RHBDD1: variants seen among roughly 807,000 people sequenced by gnomAD.
RHBDD1 encodes the protein rhomboid-related protein 4.
In RHBDD1, 38 loss-of-function variants were observed where a neutral mutation model predicts 36.3. The observed-to-expected ratio is 1.05, with a 90% CI of 0.81 to 1.37. The LOEUF (loss-of-function observed/expected upper bound fraction) is 1.37, where lower values mean the gene tolerates loss of function less well. Ranked by LOEUF, RHBDD1 falls within the 40% of genes most tolerant of loss-of-function variation. RHBDD1 has a pLI of 0.00. For missense variants in RHBDD1, 393 were observed against 377.6 expected (o/e 1.04, Z -0.34); for synonymous variants, 151 against 136.5 (o/e 1.11, Z -0.74).
intron 5 of RHBDD1, among the ~76,000 whole-genome samples, chr2:226,891,585 G>T (rs571558962): frequency 1.3e-5 from 2 of 152,120 alleles, no homozygotes; most frequent in Non-Finnish European, 2.9e-5. Flanking sequence ...TCTCAGAAGA[G>T]TTCTCTCCAC....
At chr2:226,926,517 T>C (rs1949681892) in intron 8 of RHBDD1, among the ~76,000 whole-genome samples, 1 of 152,210 alleles carries the variant, frequency 6.6e-6, no homozygotes, top group Non-Finnish European at 1.5e-5. Flanking sequence ...TGTATTTAAA[T>C]AGTTAGTTCT....
chr2:226,850,148 G>T (rs141473809), intron 3 of RHBDD1, among the ~76,000 whole-genome samples: 2 of 152,130 alleles, frequency 1.3e-5, no homozygotes, highest in African/African-American at 4.8e-5. Context: ...GGAAACAGAC[G>T]GGGGTTGATG....
At chr2:226,883,750 T>C (rs1361757813) in intron 5 of RHBDD1, among the ~76,000 whole-genome samples, 11 of 152,160 alleles carry the variant, frequency 7.2e-5, no homozygotes, top group Non-Finnish European at 1.5e-5. Context: ...TATTTTAAAA[T>C]GGTAAAATTT....
At chr2:226,967,249 C>G (rs910715573) in intron 8 of RHBDD1, among the ~76,000 whole-genome samples, 4 of 152,166 alleles carry the variant, frequency 2.6e-5, no homozygotes, top group Non-Finnish European at 4.4e-5. Context: ...GAAAATCTTC[C>G]TAGCTTTTTT....
chr2:226,899,578 A>G (rs371921163), intron 5 of RHBDD1, among the ~76,000 whole-genome samples: 32 of 152,182 alleles, frequency 2.1e-4, no homozygotes, highest in African/African-American at 7.2e-4. Flanking sequence ...GCAACTAGCT[A>G]CAGTGATTGT....
chr2:226,882,201 G>A lies in RHBDD1; in HGVS notation c.566+14883G>A, dbSNP rs536997125. 5.9e-5 allele frequency among the ~76,000 whole-genome samples: 9 copies of A among 151,860 alleles called. No homozygotes were observed. In the South Asian group the frequency reaches 1.2e-3, roughly 21 times the overall value. On this transcript the variant is annotated intron_variant, in intron 5 of 8. Coordinates refer to ENST00000392062, the MANE Select transcript of RHBDD1 (RefSeq NM_001167608.3). The stretch of plus-strand genomic sequence containing the variant: ...TCCCAGCACTTTGGGAGGCCGAGGC[G>A]GGTGGATCACCTGAGGTCAGGAGTT...
At chr2:226,937,455 AGGG>A (rs1950402409) in intron 8 of RHBDD1, among the ~76,000 whole-genome samples, 1 of 152,018 alleles carries the variant, frequency 6.6e-6, no homozygotes, top group Admixed American at 6.6e-5. Flanking sequence ...TTTTAAGTTC[AGGG>A]GTACATGTGC....
chr2:226,855,624 T>C (rs181831182), intron 3 of RHBDD1, among the ~76,000 whole-genome samples: 5 of 152,340 alleles, frequency 3.3e-5, no homozygotes, highest in Admixed American at 3.3e-4. Context: ...AATATGGTTA[T>C]AACAATAAAG....
At chr2:226,922,982 T>C (rs1013829060) in intron 8 of RHBDD1, among the ~76,000 whole-genome samples, 1 of 152,234 alleles carries the variant, frequency 6.6e-6, no homozygotes, top group African/African-American at 2.4e-5. Context: ...CTGTTTACGT[T>C]TGAAAAATTG....
At chr2:226,918,504 C>G (rs546004201) in intron 8 of RHBDD1, among the ~76,000 whole-genome samples, 4 of 152,120 alleles carry the variant, frequency 2.6e-5, no homozygotes, top group Admixed American at 2.6e-4. Context: ...TCTTTTCACT[C>G]TCTATCTCCA....
the RHBDD1 span, among the ~76,000 whole-genome samples, chr2:226,824,386 T>G: frequency 6.6e-6 from 1 of 152,192 alleles, no homozygotes; most frequent in Admixed American, 6.5e-5. Context: ...AAAATTAAAT[T>G]GTAAAAAAAT....
intron 8 of RHBDD1, among the ~76,000 whole-genome samples, chr2:226,940,977 C>T (rs1217810561): frequency 2.6e-5 from 4 of 151,008 alleles, no homozygotes; most frequent in East Asian, 1.9e-4. Context: ...GATGGAATCT[C>T]GCTCTATTGC....
At chr2:226,877,643 G>T (rs998809542) in intron 5 of RHBDD1, among the ~76,000 whole-genome samples, 4 of 150,950 alleles carry the variant, frequency 2.6e-5, no homozygotes, top group African/African-American at 9.8e-5. Flanking sequence ...GAAAACAACG[G>T]CTCATTCATC....
chr2:226,807,989 T>C, the RHBDD1 span, among the ~76,000 whole-genome samples: 3 of 150,940 alleles, frequency 2.0e-5, no homozygotes, highest in Non-Finnish European at 4.4e-5. Context: ...CACTCTAGCC[T>C]GGGTAACAGA....
In RHBDD1 at chr2:226,908,836, A is replaced by C. The variant is rs1419688099; in HGVS notation, c.670A>C (p.Ser224Arg). ...MEACAGGFSS[S>R]VGYPGRQYYF... is the part of the protein sequence containing the mutation. ...TTTACGTTTAGGCGGTTTTTCCTCC[A>C]GTGTTGGTTACCCAGGACGGCAATA... Residue 224 changes from serine (S) to arginine (R), a missense_variant, in exon 7 of 9, where the codon AGT becomes CGT. By Grantham distance (110) the Ser-to-Arg change is moderately radical. Transcript: ENST00000392062. 2 of 1,608,060 alleles carry C rather than the reference A, an allele frequency of 1.2e-6. No individual in the cohort carries two copies. Among genetic ancestry groups the C allele is most frequent in the Non-Finnish European group, 1.7e-6 (2 of 1,174,496 alleles).
At chr2:226,805,652 A>G in the RHBDD1 span, among the ~76,000 whole-genome samples, 2 of 152,224 alleles carry the variant, frequency 1.3e-5, no homozygotes, top group African/African-American at 2.4e-5. Flanking sequence ...AGTGCACTCT[A>G]AACTTTCTAA....
chr2:226,937,415 T>A (rs1950400144), intron 8 of RHBDD1, among the ~76,000 whole-genome samples: 1 of 152,182 alleles, frequency 6.6e-6, no homozygotes, highest in South Asian at 2.1e-4. Context: ...AATTTGAGCC[T>A]TTCTAATTCC....
intron 8 of RHBDD1, among the ~76,000 whole-genome samples, chr2:226,944,918 C>G (rs1183427534): frequency 6.6e-6 from 1 of 151,812 alleles, no homozygotes; most frequent in South Asian, 2.1e-4. Flanking sequence ...CATAGAGGAG[C>G]GAGGGGAGCA....
At chr2:226,816,638 G>C in the RHBDD1 span, among the ~76,000 whole-genome samples, 1 of 152,320 alleles carries the variant, frequency 6.6e-6, no homozygotes, top group African/African-American at 2.4e-5. Flanking sequence ...GCTCACGCCT[G>C]TAATCCCAGC....
Sources: gnomAD v4.1 joint callset for allele counts (sites outside exome capture counted in the v4.1 genomes callset) on GRCh38, gnomAD v4.1.1 for gene constraint, MANE v1.5 for transcripts, NCBI Gene and HGNC (gene_info 2026-07-23, HGNC 2026-07-21) for gene names.